The following SGCZ variants were observed in gnomAD, a reference collection of about 807,000 sequenced individuals.
SGCZ encodes zeta-sarcoglycan.
A neutral mutation model predicts 41.3 loss-of-function variants in SGCZ; 40 were observed. The observed-to-expected ratio is 0.97, with a 90% CI of 0.75 to 1.26. The LOEUF is 1.26. Among genes scored for constraint, SGCZ ranks in the 50% most tolerant of loss-of-function variants. The probability of loss-of-function intolerance (pLI) is 0.00; values close to 1 mark genes in which losing one functional copy is unlikely to be tolerated. For missense variants in SGCZ, 552 were observed against 369.8 expected, an observed-to-expected ratio of 1.49 and a Z score of -4.04; for synonymous variants, 206 against 137.5, an observed-to-expected ratio of 1.50 and a Z score of -3.49.
intron 1 of SGCZ, among the ~76,000 whole-genome samples, chr8:15,197,440 A>G (rs1800764918): frequency 6.6e-6 from 1 of 152,228 alleles, no homozygotes; most frequent in Admixed American, 6.5e-5. Flanking sequence ...TGAAAGCACA[A>G]ATTCAAAGCA....
chr8:14,289,465 T>C (rs979450812), intron 3 of SGCZ, among the ~76,000 whole-genome samples: 4 of 152,064 alleles, frequency 2.6e-5, no homozygotes, highest in African/African-American at 9.7e-5. Context: ...CAGGCAATGG[T>C]CAAAACTCAT....
At chr8:14,554,161 T>G (rs567799246) in intron 2 of SGCZ, among the ~76,000 whole-genome samples, 1 of 152,202 alleles carries the variant, frequency 6.6e-6, no homozygotes, top group African/African-American at 2.4e-5. Flanking sequence ...TAATTGCTGG[T>G]TTATCTTCCA....
At chr8:14,549,258 C>T (rs1473367058) in intron 2 of SGCZ, among the ~76,000 whole-genome samples, 1 of 152,054 alleles carries the variant, frequency 6.6e-6, no homozygotes, top group African/African-American at 2.4e-5. Flanking sequence ...TGTACTTTCA[C>T]TGAAAAACTA....
At chr8:14,547,283 C>G (rs1365580255) in intron 2 of SGCZ, among the ~76,000 whole-genome samples, 1 of 152,112 alleles carries the variant, frequency 6.6e-6, no homozygotes, top group Non-Finnish European at 1.5e-5. Context: ...AAGATTAGCT[C>G]GCTCTGACAA....
At chr8:14,474,403 GCACA>G (rs1801300459) in intron 2 of SGCZ, among the ~76,000 whole-genome samples, 1 of 152,156 alleles carries the variant, frequency 6.6e-6, no homozygotes, top group Admixed American at 6.5e-5. Context: ...ATATATGTGA[GCACA>G]CACATAAACT....
chr8:14,476,747 G>T (rs981838885), intron 2 of SGCZ, among the ~76,000 whole-genome samples: 5 of 152,264 alleles, frequency 3.3e-5, no homozygotes, highest in African/African-American at 9.6e-5. Context: ...CAGATGACAT[G>T]ATGAAGTTGT....
At chr8:14,718,993 T>TCCCTCCC (rs1809791940) in intron 1 of SGCZ, among the ~76,000 whole-genome samples, 1 of 109,118 alleles carries the variant, frequency 9.2e-6, no homozygotes, top group East Asian at 3.1e-4. Context: ...TCCAAAGCTA[T>TCCCTCCC]CCCTCCCCCC....
intron 2 of SGCZ, among the ~76,000 whole-genome samples, chr8:14,502,926 C>T (rs1001052598): frequency 6.6e-5 from 10 of 152,002 alleles, no homozygotes; most frequent in African/African-American, 2.4e-4. Context: ...ACCATTTGAC[C>T]GAGTAATCTC....
chr8:14,092,263 C>T (rs898109135), intron 7 of SGCZ, among the ~76,000 whole-genome samples: 1 of 151,946 alleles, frequency 6.6e-6, no homozygotes, highest in South Asian at 2.1e-4. Flanking sequence ...ATGCCTCCAG[C>T]TTTGTTCTTT....
intron 1 of SGCZ, among the ~76,000 whole-genome samples, chr8:14,922,119 T>G (rs1799605248): frequency 1.3e-5 from 2 of 152,064 alleles, no homozygotes; most frequent in Admixed American, 6.6e-5. Flanking sequence ...ATTTCAAATA[T>G]CCCTTAGTCA....
At chr8:14,175,495 G>T (rs1804515753) in intron 4 of SGCZ, among the ~76,000 whole-genome samples, 1 of 152,020 alleles carries the variant, frequency 6.6e-6, no homozygotes, top group Non-Finnish European at 1.5e-5. Context: ...TAAATTAGAG[G>T]TTATGCATTC....
At chr8:14,374,000 C>T (rs1804011153) in intron 2 of SGCZ, among the ~76,000 whole-genome samples, 1 of 152,048 alleles carries the variant, frequency 6.6e-6, no homozygotes, top group African/African-American at 2.4e-5. Flanking sequence ...AAAAAATACA[C>T]AGATATATTA....
chr8:14,579,789 T>G lies in SGCZ; in HGVS notation c.40-24863A>C, dbSNP rs117981367. Among the ~76,000 whole-genome samples the G allele has an allele frequency of 8.3e-3, 1,263 of 152,304 alleles. 10 individuals are homozygous for G. The highest frequency in any genetic ancestry group is 0.011 in the Non-Finnish European group (757 of 68,024). On this transcript the variant is annotated intron_variant, in intron 1 of 7. Transcript: ENST00000382080. ...AACAAGTACATGAGTTTTACGTTCA[T>G]AGGCATCATAATTTTCTCTTGATTC...
At chr8:14,553,756 A>T (rs1429320906) in intron 2 of SGCZ, among the ~76,000 whole-genome samples, 1 of 152,184 alleles carries the variant, frequency 6.6e-6, no homozygotes, top group South Asian at 2.1e-4. Context: ...TGCTAAACCA[A>T]TACCCAGTGG....
intron 5 of SGCZ, among the ~76,000 whole-genome samples, chr8:14,154,811 G>A (rs890003827): frequency 2.0e-5 from 3 of 152,130 alleles, no homozygotes; most frequent in Non-Finnish European, 4.4e-5. Flanking sequence ...GTACATGGAT[G>A]GGCCACATGT....
At chr8:14,252,860 T>C (rs375934105) in intron 3 of SGCZ, among the ~76,000 whole-genome samples, 1 of 152,226 alleles carries the variant, frequency 6.6e-6, no homozygotes, top group Non-Finnish European at 1.5e-5. Flanking sequence ...CAACTCCCTG[T>C]TTCTGAAATT....
rs148297636 is a variant in SGCZ, at chr8:14,821,864, G to A, written c.40-266938C>T. ...ATCCACAGCTACTATCATACCGAATGGGGAAAAAGTCTACAGTTTTCACTC... is the reference window on the plus strand; with the variant it reads ...ATCCACAGCTACTATCATACCGAATAGGGAAAAAGTCTACAGTTTTCACTC... On this transcript the variant is annotated intron_variant, in intron 1 of 7. Transcript: ENST00000382080. 3.1e-3 allele frequency among the ~76,000 whole-genome samples: 479 copies of A among 152,128 alleles called. 2 individuals are homozygous for A. Among genetic ancestry groups the A allele is most frequent in the African/African-American group, 0.01 (421 of 41,540 alleles).
chr8:14,737,635 G>C (rs1799079645), intron 1 of SGCZ, among the ~76,000 whole-genome samples: 3 of 151,990 alleles, frequency 2.0e-5, no homozygotes, highest in African/African-American at 7.2e-5. Flanking sequence ...TTCCTTCTGA[G>C]GCCTCTCTCC....
At chr8:15,010,834 T>G (rs1054422725) in intron 1 of SGCZ, among the ~76,000 whole-genome samples, 2 of 152,148 alleles carry the variant, frequency 1.3e-5, no homozygotes. Context: ...AATGGGACAC[T>G]TGGGCTAAGA....
Sources: allele counts gnomAD v4.1 joint callset (sites outside exome capture counted in the v4.1 genomes callset), GRCh38; gene constraint gnomAD v4.1.1; transcripts MANE v1.5; gene names NCBI Gene and HGNC (gene_info 2026-07-23, HGNC 2026-07-21).